The following ATP8A1 variants were observed in gnomAD, a reference collection of about 807,000 sequenced individuals.
ATP8A1 encodes the protein phospholipid-transporting ATPase IA.
ATP8A1 carries 90 observed loss-of-function variants against 177.7 expected under a neutral mutation model. That is an observed-to-expected ratio of 0.51 (90% CI 0.43 to 0.60). ATP8A1 has a LOEUF of 0.60. Ranked by LOEUF, ATP8A1 falls within the 20% of genes least tolerant of loss-of-function variation. The pLI is 0.00. For missense variants in ATP8A1, 1,072 were observed against 1,392.8 expected (o/e 0.77, Z 3.67); for synonymous variants, 493 against 485.9 (o/e 1.01, Z -0.19).
chr4:42,593,956 A>T (rs947387992), intron 6 of ATP8A1, among the ~76,000 whole-genome samples: 10 of 152,106 alleles, frequency 6.6e-5, no homozygotes, highest in Non-Finnish European at 1.5e-4. Context: ...AAGATAAAAA[A>T]TATCAATAGA....
chr4:42,582,037 C>T (rs2109345901), intron 9 of ATP8A1, among the ~76,000 whole-genome samples: 1 of 152,208 alleles, frequency 6.6e-6, no homozygotes, highest in South Asian at 2.1e-4. Context: ...TTGGAAATGA[C>T]CCTTCGGGAG....
intron 5 of ATP8A1, among the ~76,000 whole-genome samples, chr4:42,602,911 A>G (rs1735440713): frequency 6.6e-6 from 1 of 152,156 alleles, no homozygotes; most frequent in African/African-American, 2.4e-5. Context: ...AATCAACTAC[A>G]CCCAAGATCA....
chr4:42,479,996 TTGTGTGTGTGTGTG>T (rs376966152), intron 25 of ATP8A1, among the ~76,000 whole-genome samples: 1 of 135,590 alleles, frequency 7.4e-6, no homozygotes, highest in Admixed American at 7.5e-5. Flanking sequence ...GCAGTTCTGC[TTGTGTGTGTGTGTG>T]TGTGTGTGTG....
rs527794581 is a variant in ATP8A1 at position 42,522,871 on chromosome 4, TAC to T, written c.1808-574_1808-573del. Among the ~76,000 whole-genome samples the T allele has an allele frequency of 1.6e-4, 24 of 152,274 alleles. No individual in the cohort carries two copies. In the South Asian group the frequency reaches 5.0e-3, roughly 32 times the overall value. Reference sequence around the variant, plus strand: ...TCCTACAGCGTGAGTGACAATGTTTTACAGTTTTTCTTGTGTGTCTCCTCTAT... The same window carrying T: ...TCCTACAGCGTGAGTGACAATGTTTTAGTTTTTCTTGTGTGTCTCCTCTAT... On this transcript the variant is annotated intron_variant, in intron 21 of 36. Transcript: ENST00000381668.
At chr4:42,460,101 T>C (rs1275106167) in intron 27 of ATP8A1, among the ~76,000 whole-genome samples, 3 of 152,142 alleles carry the variant, frequency 2.0e-5, no homozygotes. Flanking sequence ...TGTATTAGGT[T>C]ATTTTATCTA....
chr4:42,524,728 A>C, intron 21 of ATP8A1, 35 bp downstream of exon 21: 4 of 1,383,828 alleles, frequency 2.9e-6, no homozygotes, highest in Non-Finnish European at 4.1e-6. Context: ...ATTTCTTTGT[A>C]TTTTAATCAT....
At chr4:42,461,244 C>CTTTTTTTT (rs777847439) in intron 27 of ATP8A1, among the ~76,000 whole-genome samples, 420 of 84,186 alleles carry the variant, frequency 5.0e-3, no homozygotes, top group Middle Eastern at 7.5e-3. Context: ...TCAATTTTTT[C>CTTTTTTTT]TTTCTTTTTT....
intron 15 of ATP8A1, 144 bp from the exon 16 acceptor site, chr4:42,556,184 C>T (rs113262763): frequency 2.5e-5 from 12 of 478,498 alleles, no homozygotes; most frequent in African/African-American, 2.0e-4. Flanking sequence ...CTAAGTAAGA[C>T]ATCACAGATT....
chr4:42,601,062 G>A (rs1394618804), intron 5 of ATP8A1, among the ~76,000 whole-genome samples: 1 of 130,404 alleles, frequency 7.7e-6, no homozygotes, highest in African/African-American at 3.0e-5. Flanking sequence ...TTGAGATGGA[G>A]TCTCACTCTG....
intron 1 of ATP8A1, among the ~76,000 whole-genome samples, chr4:42,640,258 C>T (rs1342024029): frequency 6.6e-6 from 1 of 152,310 alleles, no homozygotes; most frequent in East Asian, 1.9e-4. Flanking sequence ...GTTAAAAGAA[C>T]ATTTCTGAGA....
Position 42,481,953 on chromosome 4 carries a change from G to C in ATP8A1, c.2324+3543C>G, listed in dbSNP as rs569625255. 7.0e-4 allele frequency among the ~76,000 whole-genome samples: 107 copies of C among 152,268 alleles called. 3 individuals are homozygous for C. The South Asian group carries it at 0.022, about 31-fold the overall frequency. On this transcript the variant is annotated intron_variant, in intron 25 of 36. Coordinates refer to ENST00000381668, the MANE Select transcript of ATP8A1 (RefSeq NM_006095.2). ...CTATCTATAAATTAGATGCATTCAG[G>C]TTATGCAGGTAAATACTCACAATGT...
chr4:42,455,654 G>C, intron 27 of ATP8A1, 55 bp from the exon 28 acceptor site: 1 of 1,513,380 alleles, frequency 6.6e-7, no homozygotes, highest in Non-Finnish European at 9.1e-7. Context: ...TAAATGCATT[G>C]CTTAGAATCT....
At chr4:42,472,087 T>C (rs1470743276) in intron 25 of ATP8A1, 34 of 711,242 alleles carry the variant, frequency 4.8e-5, no homozygotes, top group East Asian at 4.5e-4. Flanking sequence ...AAGCATGCTG[T>C]CTTTATTGCT....
At chr4:42,530,602 GCTCACTGGTCTTACCATGGAA>G (rs1354945079) in intron 20 of ATP8A1, among the ~76,000 whole-genome samples, 2 of 152,288 alleles carry the variant, frequency 1.3e-5, no homozygotes, top group Admixed American at 6.5e-5. Flanking sequence ...GTGGCAGTGG[GCTCACTGGTCTTACCATGGAA>G]CTCACTGGTC....
At chr4:42,599,202 T>C (rs182071924) in intron 6 of ATP8A1, among the ~76,000 whole-genome samples, 2 of 152,330 alleles carry the variant, frequency 1.3e-5, no homozygotes, top group East Asian at 3.9e-4. Context: ...CAGCCTAGGT[T>C]ATTTATTAGC....
chr4:42,617,766 C>T (rs1032761961), intron 4 of ATP8A1, among the ~76,000 whole-genome samples: 3 of 152,218 alleles, frequency 2.0e-5, no homozygotes. Context: ...TTAAACATCA[C>T]TTTCCATCTA....
chr4:42,588,499 A>C (rs1053934541), intron 7 of ATP8A1, 170 bp from the exon 8 acceptor site: 1 of 545,956 alleles, frequency 1.8e-6, no homozygotes, highest in African/African-American at 1.9e-5. Flanking sequence ...GGCAGAACCC[A>C]TGCATGACAA....
Position 42,414,638 on chromosome 4 carries a change from T to C in ATP8A1, c.3386A>G (p.Gln1129Arg). 1 of 1,613,812 alleles carries C rather than the reference T, an allele frequency of 6.2e-7. No individual in the cohort carries two copies. The highest frequency in any genetic ancestry group is 1.1e-5 in the South Asian group (1 of 91,082). The change falls in exon 36 of 37, where the codon CAA becomes CGA. Residue 1129 changes from glutamine (Q) to arginine (R), a missense_variant. Physicochemically the swap from Gln to Arg is conservative, Grantham distance 43 (BLOSUM62 1). Around this residue, in one of 5 missense-constraint regions of ATP8A1, gnomAD observed 316 missense variants for 459.1 expected, o/e 0.69. Transcript: ENST00000381668. ...VNLYRSESLQ[Q>R]NLLHGYAFSQ... is the part of the protein sequence containing the mutation. ...ACTCAAATACTCACGGAGCAGATTTTGTTGCAAGGATTCAGAGCGGTACAA... is the reference window on the plus strand; with the variant it reads ...ACTCAAATACTCACGGAGCAGATTTCGTTGCAAGGATTCAGAGCGGTACAA...
intron 20 of ATP8A1, among the ~76,000 whole-genome samples, chr4:42,530,023 T>C (rs1727104397): frequency 6.6e-6 from 1 of 152,238 alleles, no homozygotes; most frequent in Non-Finnish European, 1.5e-5. Flanking sequence ...TTGTATCCCA[T>C]GTGAGTGCTC....
Sources: allele counts gnomAD v4.1 joint callset (sites outside exome capture counted in the v4.1 genomes callset), GRCh38; gene constraint gnomAD v4.1.1; regional missense constraint gnomAD v4.1.1; transcripts MANE v1.5; gene names NCBI Gene and HGNC (gene_info 2026-07-23, HGNC 2026-07-21).